Variants in NIT2 observed in about 807,000 individuals in gnomAD.
NIT2 encodes nitrilase family member 2.
A neutral mutation model predicts 42.7 loss-of-function variants in NIT2; 46 were observed. The ratio of observed to expected loss-of-function variants is 1.08; its 90% CI spans 0.85 to 1.38. NIT2 has a LOEUF of 1.38. NIT2 is among the 40% of genes most tolerant of loss of function. The pLI, the probability that NIT2 is intolerant of heterozygous loss-of-function variation, is 0.00. For synonymous variants in NIT2, 123 were observed against 121.9 expected, an observed-to-expected ratio of 1.01 and a Z score of -0.06; for missense variants, 309 against 342.5, an observed-to-expected ratio of 0.90 and a Z score of 0.77.
chr3:100,343,008 A>G (rs548116802), intron 4 of NIT2, among the ~76,000 whole-genome samples: 1 of 147,688 alleles, frequency 6.8e-6, no homozygotes, highest in East Asian at 2.0e-4. Context: ...AGAATTTTGG[A>G]TTGATAGTTT....
At chr3:100,350,943 G>T (rs531008822) in intron 7 of NIT2, among the ~76,000 whole-genome samples, 1 of 151,914 alleles carries the variant, frequency 6.6e-6, no homozygotes, top group East Asian at 1.9e-4. Context: ...ACCTATGAGT[G>T]AGAATATGCG....
At position 100,341,053 on chromosome 3, in the gene NIT2, G is replaced by GT; in HGVS notation, c.248-17dup. 1 of 1,540,286 alleles carries GT rather than the reference G, an allele frequency of 6.5e-7. No homozygotes were observed. The highest frequency in any genetic ancestry group is 1.7e-4 in the Middle Eastern group (1 of 5,884). On this transcript the variant is annotated intron_variant, in intron 3 of 9. Coordinates refer to ENST00000394140, the MANE Select transcript of NIT2 (RefSeq NM_020202.5). ...TGCTCTATTCTTTTTCTTATGGTATGTTTCTTCTCTCAATGAAAGGCTCTA... is the reference window on the plus strand; with the variant it reads ...TGCTCTATTCTTTTTCTTATGGTATGTTTTCTTCTCTCAATGAAAGGCTCTA...
intron 2 of NIT2, 103 bp downstream of exon 2, chr3:100,339,308 C>T (rs1706118892): frequency 9.0e-6 from 7 of 776,076 alleles, no homozygotes; most frequent in Non-Finnish European, 1.6e-5. Flanking sequence ...CCAGCAGTGT[C>T]CCTTGGAGCC....
At chr3:100,345,700 C>T (rs559523837) in intron 5 of NIT2, 22 bp downstream of exon 5, 3 of 1,473,942 alleles carry the variant, frequency 2.0e-6, no homozygotes, top group South Asian at 1.1e-5. Context: ...ATAAGTTTGC[C>T]TCTTTAGCAA....
Position 100,339,865 on chromosome 3 carries a change from G to A in NIT2, c.177G>A (p.Glu59=). The A allele has an allele frequency of 3.1e-6, 5 of 1,613,544 alleles. No homozygotes were observed. Among genetic ancestry groups the A allele is most frequent in the South Asian group, 2.2e-5 (2 of 91,002 alleles). The change falls in exon 3 of 10, where the codon GAG becomes GAA. Residue 59 remains glutamate, a synonymous_variant. Coordinates refer to ENST00000394140, the MANE Select transcript of NIT2 (RefSeq NM_020202.5). The part of the protein sequence containing the change: ...YGAKYFPEYA[E]KIPGESTQKL... ...CGAAATATTTTCCTGAATATGCAGAGAAAATTCCTGGTGAATCCACACAGA... is the reference window on the plus strand; with the variant it reads ...CGAAATATTTTCCTGAATATGCAGAAAAAATTCCTGGTGAATCCACACAGA...
chr3:100,335,162 C>T (rs1423406659), intron 1 of NIT2: 5 of 281,946 alleles, frequency 1.8e-5, no homozygotes, highest in Non-Finnish European at 2.9e-5. Context: ...CCTCCTCCAG[C>T]CCCGCCCTGC....
intron 7 of NIT2, 173 bp downstream of exon 7, chr3:100,349,054 G>A (rs564033861): frequency 1.9e-6 from 1 of 524,656 alleles, no homozygotes; most frequent in African/African-American, 2.0e-5. Context: ...TCTACTGCAC[G>A]TCACTTTCTC....
intron 9 of NIT2, 133 bp from the exon 10 acceptor site, chr3:100,355,044 G>T (rs939923308): frequency 3.7e-5 from 27 of 732,576 alleles, no homozygotes; most frequent in Non-Finnish European, 6.3e-5. Context: ...CAGGCCATCT[G>T]TGCACCTAGA....
chr3:100,361,156 A>G lies in NIT2; in HGVS notation c.*5888A>G, dbSNP rs137979120. 1.6e-4 allele frequency: 24 copies of G among 152,686 alleles called. No individual in the cohort carries two copies. The highest frequency in any genetic ancestry group is 5.5e-4 in the African/African-American group (23 of 41,600). 9.5% of individuals were successfully genotyped at this position (152,686 alleles called of 1,614,324 possible). ...TTAGACCTTTTACAGCTCTTGACAC[A>G]GAGCAATATTGAGAAATAAAATCAG... is the stretch of plus-strand genomic sequence containing the variant. On this transcript the variant is annotated 3_prime_UTR_variant, in exon 10 of 10. Transcript: ENST00000394140.
chr3:100,353,018 A>C (rs1261900628), intron 8 of NIT2, among the ~76,000 whole-genome samples: 1 of 152,232 alleles, frequency 6.6e-6, no homozygotes, highest in East Asian at 1.9e-4. Flanking sequence ...AAGCCTGCCC[A>C]GACAGAATTA....
intron 7 of NIT2, among the ~76,000 whole-genome samples, chr3:100,350,344 G>A (rs2148884077): frequency 6.6e-6 from 1 of 152,318 alleles, no homozygotes; most frequent in African/African-American, 2.4e-5. Context: ...GTGCTTTGGT[G>A]TACCTGGACT....
rs773006253 is a variant in NIT2 at position 100,352,467 on chromosome 3, T to G, written c.648T>G (p.Tyr216Ter). 1 of 1,613,538 alleles carries G rather than the reference T, an allele frequency of 6.2e-7. No homozygotes were observed. The highest frequency in any genetic ancestry group is 8.5e-7 in the Non-Finnish European group (1 of 1,179,586). The change falls in exon 8 of 10, where the codon TAT (tyrosine) becomes TAG (stop). Residue 216 changes from tyrosine (Y) to a stop codon, truncating the protein, a stop_gained. Transcript: ENST00000394140. LOFTEE classifies it high-confidence loss of function. ...ASPARDDKASYVAWGHSTVVN... is the reference protein window; with the variant it reads ...ASPARDDKAS ...CTGCCCGGGATGACAAAGCCTCCTA[T>G]GTTGCCTGGGGACACAGCACCGTGG...
chr3:100,341,254 CATT>C, intron 4 of NIT2, 93 bp downstream of exon 4: 1 of 795,368 alleles, frequency 1.3e-6, no homozygotes. Context: ...TAGTCCCTCT[CATT>C]ATATCACACA....
In NIT2 at chr3:100,355,304, T is replaced by C. The variant is rs1559826553; in HGVS notation, c.*36T>C. 6.8e-7 allele frequency: 1 copy of C among 1,467,652 alleles called. No homozygotes were observed. Among genetic ancestry groups the C allele is most frequent in the Non-Finnish European group, 9.5e-7 (1 of 1,056,750 alleles). 90.9% of individuals were successfully genotyped at this position (1,467,652 alleles called of 1,614,324 possible). ...TCTAATGTGTCACAGAATAGGACGA[T>C]ATGATTCTACAACATAATCAACTCC... On this transcript the variant is annotated 3_prime_UTR_variant, in exon 10 of 10. Transcript: ENST00000394140.
intron 8 of NIT2, among the ~76,000 whole-genome samples, chr3:100,354,276 G>C (rs1706302835): frequency 6.6e-6 from 1 of 152,216 alleles, no homozygotes; most frequent in Non-Finnish European, 1.5e-5. Context: ...AGCCACCAGG[G>C]CAGAGACCCC....
intron 6 of NIT2, among the ~76,000 whole-genome samples, chr3:100,348,069 T>G (rs1706236157): frequency 6.6e-6 from 1 of 152,152 alleles, no homozygotes; most frequent in Non-Finnish European, 1.5e-5. Context: ...TTTTTGTATT[T>G]TTAATAGAGG....
Position 100,355,206 on chromosome 3 carries a change from C to G in NIT2, c.769C>G (p.Gln257Glu). The change falls in exon 10 of 10, where the codon CAA becomes GAA. Residue 257 changes from glutamine (Q) to glutamate (E), a missense_variant. Coordinates refer to ENST00000394140, the MANE Select transcript of NIT2 (RefSeq NM_020202.5). ...DLKKLAEIRQ[Q>E]IPVFRQKRSD... The stretch of plus-strand genomic sequence containing the variant: ...GAAGAAGCTGGCTGAAATACGCCAG[C>G]AAATCCCCGTTTTTAGACAGAAGCG... 1 of 1,614,056 alleles carries G rather than the reference C, an allele frequency of 6.2e-7. No individual in the cohort carries two copies. Among genetic ancestry groups the G allele is most frequent in the Non-Finnish European group, 8.5e-7 (1 of 1,179,996 alleles).
chr3:100,337,813 A>G (rs1019148336), intron 1 of NIT2, among the ~76,000 whole-genome samples: 1 of 152,194 alleles, frequency 6.6e-6, no homozygotes, highest in Non-Finnish European at 1.5e-5. Context: ...TTATAATCGC[A>G]GCAGTTTGAG....
At chr3:100,339,992 C>A (rs1304207659) in intron 3 of NIT2, 57 bp downstream of exon 3, 4 of 1,518,834 alleles carry the variant, frequency 2.6e-6, no homozygotes, top group Non-Finnish European at 3.6e-6. Context: ...CTGAATGAGT[C>A]AGGTGTGGTG....
Sources: allele counts gnomAD v4.1 joint callset (sites outside exome capture counted in the v4.1 genomes callset), GRCh38; gene constraint gnomAD v4.1.1; transcripts MANE v1.5; gene names NCBI Gene and HGNC (gene_info 2026-07-23, HGNC 2026-07-21).